Variants in AR observed in about 807,000 individuals in gnomAD.
The protein encoded by AR is dihydrotestosterone receptor.
AR carries 8 observed loss-of-function variants against 53.9 expected under a neutral mutation model. The observed-to-expected ratio is 0.15, with a 90% confidence interval of 0.09 to 0.27. The LOEUF is 0.27. Ranked by LOEUF, AR falls within the 10% of genes least tolerant of loss-of-function variation. The probability of loss-of-function intolerance (pLI) is 1.00; values close to 1 mark genes in which losing one functional copy is unlikely to be tolerated. For missense variants in AR, 639 were observed against 742.5 expected, an observed-to-expected ratio of 0.86 and a Z score of 1.62; for synonymous variants, 359 against 316.4, an observed-to-expected ratio of 1.13 and a Z score of -1.43.
chrX:67,598,893 T>C (rs1316534573), intron 1 of AR, among the ~76,000 whole-genome samples: 2 of 110,997 alleles, frequency 1.8e-5, no homozygotes, highest in Admixed American at 1.9e-4. Context: ...AGTACCTGTG[T>C]GATGGACATG....
rs2076150104 is a variant in AR at position 67,724,453 on chromosome X, T to C, written c.*612T>C. ...CGAGAAGGTGAAAATTGCAGGCCCA[T>C]GGGGAGTTACTGATTTTTTCATCTC... On this transcript the variant is annotated 3_prime_UTR_variant, in exon 8 of 8. Transcript: ENST00000374690. 5.8e-6 allele frequency: 1 copy of C among 173,039 alleles called. No individual in the cohort carries two copies. The highest frequency in any genetic ancestry group is 8.0e-5 in the Admixed American group (1 of 12,501). 14.3% of individuals were successfully genotyped at this position (173,039 alleles called of 1,213,427 possible).
chrX:67,678,611 G>A lies in AR; in HGVS notation c.1769-7399G>A, dbSNP rs2075914655. Among the ~76,000 whole-genome samples the A allele has an allele frequency of 2.7e-5, 3 of 111,679 alleles. No individual in the cohort carries two copies. In the Admixed American group the frequency reaches 2.9e-4, roughly 11 times the overall value. The stretch of plus-strand genomic sequence containing the variant: ...AAACTGCATGTCAGAGAGGTTTCTT[G>A]TACAGATTATTTCATCACCCAGGTA... On this transcript the variant is annotated intron_variant, in intron 2 of 7. Coordinates refer to ENST00000374690, the MANE Select transcript of AR (RefSeq NM_000044.6).
At chrX:67,635,704 TTTAA>T (rs1173616893) in intron 1 of AR, among the ~76,000 whole-genome samples, 1 of 111,390 alleles carries the variant, frequency 9.0e-6, no homozygotes, top group Admixed American at 9.6e-5. Context: ...TCCACTTTTA[TTTAA>T]TTAATAGTGA....
At chrX:67,616,011 G>A (rs2147391286) in intron 1 of AR, among the ~76,000 whole-genome samples, 1 of 110,945 alleles carries the variant, frequency 9.0e-6, no homozygotes, top group South Asian at 3.8e-4. Context: ...CAAGGAGAGG[G>A]AATGGAGCTG....
intron 1 of AR, among the ~76,000 whole-genome samples, chrX:67,613,684 T>G (rs1237307616): frequency 9.0e-6 from 1 of 111,369 alleles, no homozygotes; most frequent in Non-Finnish European, 1.9e-5. Flanking sequence ...ATCAGTAAAA[T>G]GTGGAGGGCT....
At chrX:67,675,729 G>A (rs189575739) in intron 2 of AR, among the ~76,000 whole-genome samples, 1 of 111,911 alleles carries the variant, frequency 8.9e-6, no homozygotes, top group Non-Finnish European at 1.9e-5. Context: ...TCTTTCCTTG[G>A]TATGATATTA....
At chrX:67,633,864 A>C (rs1422576049) in intron 1 of AR, among the ~76,000 whole-genome samples, 3 of 112,044 alleles carry the variant, frequency 2.7e-5, no homozygotes, top group Non-Finnish European at 5.6e-5. Context: ...AAAGAAAAAT[A>C]TTTAGAGATA....
At chrX:67,702,685 C>T (rs1214485137) in intron 3 of AR, among the ~76,000 whole-genome samples, 1 of 112,323 alleles carries the variant, frequency 8.9e-6, no homozygotes, top group Non-Finnish European at 1.9e-5. Flanking sequence ...CTCTTCCCTA[C>T]CCTAGTTGTT....
At chrX:67,662,499 G>A (rs1177713184) in intron 2 of AR, among the ~76,000 whole-genome samples, 2 of 111,686 alleles carry the variant, frequency 1.8e-5, no homozygotes, top group African/African-American at 3.3e-5. Flanking sequence ...TAGTTGAGCG[G>A]TTTTGAGTGA....
intron 2 of AR, among the ~76,000 whole-genome samples, chrX:67,657,968 T>C (rs939639261): frequency 8.9e-6 from 1 of 111,787 alleles, no homozygotes; most frequent in East Asian, 2.8e-4. Context: ...TAACCAATCA[T>C]GTGTTATGAC....
At chrX:67,658,918 C>T (rs763058733) in intron 2 of AR, among the ~76,000 whole-genome samples, 10 of 111,663 alleles carry the variant, frequency 9.0e-5, no homozygotes, top group Admixed American at 3.8e-4. Flanking sequence ...CAAACCTTTA[C>T]GAATAGTAGG....
chrX:67,584,703 G>A (rs935981510), intron 1 of AR, among the ~76,000 whole-genome samples: 1 of 111,912 alleles, frequency 8.9e-6, no homozygotes, highest in Non-Finnish European at 1.9e-5. Context: ...AGGTAGAAAG[G>A]TTGGGAAAAT....
intron 4 of AR, among the ~76,000 whole-genome samples, chrX:67,711,906 G>A (rs1017834204): frequency 8.9e-6 from 1 of 112,132 alleles, no homozygotes; most frequent in African/African-American, 3.2e-5. Flanking sequence ...GGTGTCTTAT[G>A]TGGCCCACAT....
intron 3 of AR, among the ~76,000 whole-genome samples, chrX:67,699,110 A>T (rs1330176387): frequency 2.7e-5 from 3 of 112,282 alleles, no homozygotes; most frequent in Admixed American, 1.9e-4. Flanking sequence ...TACAAGGAAG[A>T]TGTATTCATT....
intron 2 of AR, among the ~76,000 whole-genome samples, chrX:67,675,318 C>T (rs771463714): frequency 2.7e-5 from 3 of 110,270 alleles, no homozygotes; most frequent in Non-Finnish European, 3.8e-5. Flanking sequence ...CTTACTAGGT[C>T]GCATGTTCCC....
chrX:67,552,963 A>T (rs1930052820), intron 1 of AR, among the ~76,000 whole-genome samples: 1 of 109,029 alleles, frequency 9.2e-6, no homozygotes, highest in Middle Eastern at 5.0e-3. Flanking sequence ...ATTTGTAGAT[A>T]TTTTTTCACA....
intron 1 of AR, among the ~76,000 whole-genome samples, chrX:67,625,861 G>T (rs1924602937): frequency 9.1e-6 from 1 of 110,487 alleles, no homozygotes; most frequent in Non-Finnish European, 1.9e-5. Flanking sequence ...TGGTTTTTTG[G>T]CTATAACACC....
At chrX:67,666,216 C>A (rs1028542078) in intron 2 of AR, among the ~76,000 whole-genome samples, 2 of 111,031 alleles carry the variant, frequency 1.8e-5, no homozygotes, top group Non-Finnish European at 3.8e-5. Flanking sequence ...CCTCCCACTA[C>A]CCTTCCCAGC....
At chrX:67,622,096 A>G in intron 1 of AR, among the ~76,000 whole-genome samples, 1 of 112,270 alleles carries the variant, frequency 8.9e-6, no homozygotes, top group Non-Finnish European at 1.9e-5. Context: ...AGCTTCTTTA[A>G]TATCAGAAGT....
Sources: allele counts gnomAD v4.1 joint callset (sites outside exome capture counted in the v4.1 genomes callset), GRCh38; gene constraint gnomAD v4.1.1; transcripts MANE v1.5; gene names NCBI Gene and HGNC (gene_info 2026-07-23, HGNC 2026-07-21).